The following CIMIP6 variants were observed in gnomAD, a reference collection of about 807,000 sequenced individuals.
CIMIP6 encodes ciliary microtubule inner protein 6, also known as uncharacterized protein C2orf73.
chr2:54,341,723 G>A, the CIMIP6 span, among the ~76,000 whole-genome samples: 1 of 152,136 alleles, frequency 6.6e-6, no homozygotes, highest in African/African-American at 2.4e-5. Context: ...TCTCCTGGCA[G>A]TTTTCTCATC....
the CIMIP6 span, among the ~76,000 whole-genome samples, chr2:54,379,274 A>G: frequency 1.3e-5 from 2 of 152,268 alleles, no homozygotes; most frequent in African/African-American, 4.8e-5. Flanking sequence ...CTCCTCATCC[A>G]TGTGGATCAT....
the CIMIP6 span, among the ~76,000 whole-genome samples, chr2:54,353,389 G>A: frequency 1.1e-3 from 171 of 152,132 alleles, 1 homozygote; most frequent in African/African-American, 4.0e-3. Context: ...AACCCTGCAG[G>A]CCAGGTTAAA....
At chr2:54,368,659 G>C in the CIMIP6 span, among the ~76,000 whole-genome samples, 1 of 152,164 alleles carries the variant, frequency 6.6e-6, no homozygotes, top group Non-Finnish European at 1.5e-5. Flanking sequence ...GCATCTGCTT[G>C]ACCTCCAGAG....
At chr2:54,351,613 G>C in the CIMIP6 span, among the ~76,000 whole-genome samples, 2 of 152,148 alleles carry the variant, frequency 1.3e-5, no homozygotes, top group Non-Finnish European at 2.9e-5. Flanking sequence ...ACTAGGGCCT[G>C]TTGGATGGTG....
At chr2:54,337,055 G>T in the CIMIP6 span, among the ~76,000 whole-genome samples, 2 of 152,156 alleles carry the variant, frequency 1.3e-5, no homozygotes, top group South Asian at 2.1e-4. Flanking sequence ...TCTCATGTAG[G>T]TTTTTTCCAG....
At chr2:54,382,059 T>A in the CIMIP6 span, 1 of 1,408,942 alleles carries the variant, frequency 7.1e-7, no homozygotes, top group Non-Finnish European at 9.2e-7. Flanking sequence ...ACTCCCTAAG[T>A]GGCTGAAGAG....
the CIMIP6 span, chr2:54,359,185 G>A: frequency 3.0e-6 from 2 of 674,812 alleles, no homozygotes; most frequent in South Asian, 3.9e-5. Context: ...AACTACTTCA[G>A]TTATTAATAG....
the CIMIP6 span, among the ~76,000 whole-genome samples, chr2:54,348,537 C>A: frequency 6.6e-6 from 1 of 152,052 alleles, no homozygotes; most frequent in Non-Finnish European, 1.5e-5. Flanking sequence ...ATTATACATT[C>A]TTCAACAAAG....
chr2:54,347,378 A>T, the CIMIP6 span, among the ~76,000 whole-genome samples: 1 of 152,264 alleles, frequency 6.6e-6, no homozygotes, highest in African/African-American at 2.4e-5. Flanking sequence ...CACAAAGTGG[A>T]ATTCCAGTCA....
the CIMIP6 span, chr2:54,381,832 T>C: frequency 6.5e-7 from 1 of 1,526,834 alleles, no homozygotes; most frequent in Middle Eastern, 1.7e-4. Context: ...TGGGTGTTCT[T>C]GTCTTCCTTC....
chr2:54,374,059 C>G, the CIMIP6 span, among the ~76,000 whole-genome samples: 1 of 152,196 alleles, frequency 6.6e-6, no homozygotes, highest in Non-Finnish European at 1.5e-5. Flanking sequence ...TTATTATGTA[C>G]TGCCTAGCCA....
chr2:54,345,960 A>G, the CIMIP6 span, among the ~76,000 whole-genome samples: 2 of 152,324 alleles, frequency 1.3e-5, no homozygotes, highest in South Asian at 4.1e-4. Context: ...AATGGAGTTA[A>G]TATCTTCAAA....
At chr2:54,360,070 A>T in the CIMIP6 span, 2 of 1,102,336 alleles carry the variant, frequency 1.8e-6, no homozygotes, top group Non-Finnish European at 2.5e-6. Context: ...GACTGAGGTG[A>T]CACCAATGAA....
the CIMIP6 span, among the ~76,000 whole-genome samples, chr2:54,381,265 G>T: frequency 6.6e-6 from 1 of 152,090 alleles, no homozygotes; most frequent in African/African-American, 2.4e-5. Context: ...CTATGCCTTT[G>T]TTCATGCTGG....
the CIMIP6 span, among the ~76,000 whole-genome samples, chr2:54,362,906 C>A: frequency 6.6e-6 from 1 of 152,168 alleles, no homozygotes; most frequent in Non-Finnish European, 1.5e-5. Context: ...GTGACACTTT[C>A]TACTAATTTG....
At chr2:54,352,673 G>A in the CIMIP6 span, among the ~76,000 whole-genome samples, 1 of 152,112 alleles carries the variant, frequency 6.6e-6, no homozygotes, top group African/African-American at 2.4e-5. Context: ...GACCCCTGTG[G>A]ATACCAAAAT....
At chr2:54,374,349 G>T in the CIMIP6 span, among the ~76,000 whole-genome samples, 1 of 152,164 alleles carries the variant, frequency 6.6e-6, no homozygotes, top group Non-Finnish European at 1.5e-5. Flanking sequence ...TCAAAACAAG[G>T]TATTCTGAGT....
chr2:54,341,450 C>T, the CIMIP6 span, among the ~76,000 whole-genome samples: 2 of 152,160 alleles, frequency 1.3e-5, no homozygotes, highest in Non-Finnish European at 2.9e-5. Context: ...AATTGTGAGC[C>T]AGTAAATTTC....
the CIMIP6 span, among the ~76,000 whole-genome samples, chr2:54,357,867 G>T: frequency 6.6e-6 from 1 of 151,746 alleles, no homozygotes; most frequent in Non-Finnish European, 1.5e-5. Context: ...TTACAGGCGT[G>T]GGCTACTGCG....
Sources: allele counts gnomAD v4.1 joint callset (sites outside exome capture counted in the v4.1 genomes callset), GRCh38; gene constraint gnomAD v4.1.1; transcripts MANE v1.5; gene names NCBI Gene and HGNC (gene_info 2026-07-23, HGNC 2026-07-21).